SGCZ: variants seen among roughly 807,000 people sequenced by gnomAD.
SGCZ encodes the protein zeta-sarcoglycan.
In SGCZ, 40 loss-of-function variants were observed where a neutral mutation model predicts 41.3. That is an observed-to-expected ratio of 0.97 (90% CI 0.75 to 1.26). The LOEUF (loss-of-function observed/expected upper bound fraction) is 1.26. Ranked by LOEUF, SGCZ falls within the 50% of genes most tolerant of loss-of-function variation. SGCZ has a pLI of 0.00. For missense variants in SGCZ, 552 were observed against 369.8 expected, an observed-to-expected ratio of 1.49 and a Z score of -4.04; for synonymous variants, 206 against 137.5, an observed-to-expected ratio of 1.50 and a Z score of -3.49.
chr8:14,984,823 G>A (rs893453006), intron 1 of SGCZ, among the ~76,000 whole-genome samples: 3 of 152,138 alleles, frequency 2.0e-5, no homozygotes, highest in African/African-American at 7.2e-5. Flanking sequence ...GTGTAGTGTA[G>A]TTTAGCATTT....
intron 1 of SGCZ, among the ~76,000 whole-genome samples, chr8:14,800,024 A>G (rs1260715492): frequency 6.6e-6 from 1 of 152,232 alleles, no homozygotes; most frequent in Non-Finnish European, 1.5e-5. Flanking sequence ...TTGGTAAACC[A>G]CTGTTTTGCA....
Position 14,149,003 on chromosome 8 carries a change from C to G in SGCZ, c.547+15577G>C, listed in dbSNP as rs58641622. Among the ~76,000 whole-genome samples the G allele has an allele frequency of 3.9e-3, 591 of 152,004 alleles. 7 individuals are homozygous for G. The highest frequency in any genetic ancestry group is 0.014 in the African/African-American group (562 of 41,472). Reference sequence around the variant, plus strand: ...TTCCACATCTCTTCATGATAAAAACCCCCAAAAACCTGGGTATAGAAGGAA... The same window carrying G: ...TTCCACATCTCTTCATGATAAAAACGCCCAAAAACCTGGGTATAGAAGGAA... On this transcript the variant is annotated intron_variant, in intron 5 of 7. Transcript: ENST00000382080.
chr8:14,580,352 C>G (rs930611447), intron 1 of SGCZ, among the ~76,000 whole-genome samples: 1 of 152,078 alleles, frequency 6.6e-6, no homozygotes, highest in African/African-American at 2.4e-5. Context: ...TTCAAGAAAC[C>G]ATTTTTGAAG....
intron 1 of SGCZ, among the ~76,000 whole-genome samples, chr8:15,022,697 T>A (rs917507773): frequency 6.6e-6 from 1 of 152,156 alleles, no homozygotes; most frequent in Non-Finnish European, 1.5e-5. Context: ...ACAGGATCAG[T>A]ATGCTAGCAA....
chr8:15,138,153 TG>T (rs1274691801), intron 1 of SGCZ, among the ~76,000 whole-genome samples: 3 of 152,222 alleles, frequency 2.0e-5, no homozygotes, highest in African/African-American at 7.2e-5. Context: ...TACTGGATTT[TG>T]GACTTGCACG....
At chr8:14,504,445 A>G (rs1802245733) in intron 2 of SGCZ, among the ~76,000 whole-genome samples, 1 of 152,224 alleles carries the variant, frequency 6.6e-6, no homozygotes. Flanking sequence ...AGTGAGTCTA[A>G]AACCTAGATA....
At chr8:14,534,669 A>T (rs1291548899) in intron 2 of SGCZ, among the ~76,000 whole-genome samples, 1 of 131,918 alleles carries the variant, frequency 7.6e-6, no homozygotes, top group African/African-American at 2.7e-5. Context: ...ATCTGCCTTA[A>T]TGGGAGGGAA....
chr8:14,622,962 T>A (rs1002295194), intron 1 of SGCZ, among the ~76,000 whole-genome samples: 2 of 152,166 alleles, frequency 1.3e-5, no homozygotes, highest in African/African-American at 4.8e-5. Context: ...TATCTATTGA[T>A]ATTTTCAGTA....
chr8:14,395,574 G>A (rs1440119259), intron 2 of SGCZ, among the ~76,000 whole-genome samples: 1 of 152,036 alleles, frequency 6.6e-6, no homozygotes, highest in Non-Finnish European at 1.5e-5. Flanking sequence ...AAAGATAGAA[G>A]GTGTAATATT....
At chr8:14,578,307 T>C (rs1022656913) in intron 1 of SGCZ, among the ~76,000 whole-genome samples, 1 of 152,200 alleles carries the variant, frequency 6.6e-6, no homozygotes, top group East Asian at 1.9e-4. Flanking sequence ...CTCCTCAGCC[T>C]TCCCTAGAAA....
intron 1 of SGCZ, among the ~76,000 whole-genome samples, chr8:14,655,958 C>T (rs62493116): frequency 6.6e-6 from 1 of 152,032 alleles, no homozygotes; most frequent in African/African-American, 2.4e-5. Flanking sequence ...TTGCTGAAGA[C>T]CCATCCATCG....
intron 2 of SGCZ, among the ~76,000 whole-genome samples, chr8:14,479,490 A>AC (rs1037077162): frequency 1.3e-5 from 2 of 152,126 alleles, no homozygotes; most frequent in African/African-American, 4.8e-5. Flanking sequence ...ACCCTCACAG[A>AC]CACATCTGGG....
intron 1 of SGCZ, among the ~76,000 whole-genome samples, chr8:15,196,697 C>T (rs1235857586): frequency 6.6e-6 from 1 of 152,140 alleles, no homozygotes; most frequent in Non-Finnish European, 1.5e-5. Context: ...AGGTTAGTTA[C>T]ATATGTATAC....
chr8:14,618,811 A>C (rs1236208368), intron 1 of SGCZ, among the ~76,000 whole-genome samples: 1 of 152,192 alleles, frequency 6.6e-6, no homozygotes, highest in Admixed American at 6.6e-5. Context: ...ATGGACTGAA[A>C]GCATTCCTTA....
At chr8:14,721,889 A>T (rs1461848865) in intron 1 of SGCZ, among the ~76,000 whole-genome samples, 1 of 151,622 alleles carries the variant, frequency 6.6e-6, no homozygotes, top group East Asian at 1.9e-4. Context: ...CACCAACCAC[A>T]CTGTCCTCTA....
chr8:14,664,679 G>A (rs1807851675), intron 1 of SGCZ, among the ~76,000 whole-genome samples: 1 of 152,138 alleles, frequency 6.6e-6, no homozygotes, highest in South Asian at 2.1e-4. Context: ...TATTTCATGT[G>A]TGTCACTTAG....
intron 1 of SGCZ, among the ~76,000 whole-genome samples, chr8:14,739,965 G>T (rs1799150936): frequency 6.6e-6 from 1 of 151,970 alleles, no homozygotes; most frequent in Non-Finnish European, 1.5e-5. Flanking sequence ...TCTGCATATG[G>T]AAATGGTCTC....
chr8:15,213,019 A>C (rs1206269647), intron 1 of SGCZ, among the ~76,000 whole-genome samples: 1 of 152,048 alleles, frequency 6.6e-6, no homozygotes, highest in Non-Finnish European at 1.5e-5. Flanking sequence ...AAAGTGATAA[A>C]ATTAACAATT....
chr8:15,095,351 G>A (rs141193082), intron 1 of SGCZ, among the ~76,000 whole-genome samples: 125 of 152,066 alleles, frequency 8.2e-4, no homozygotes, highest in African/African-American at 2.9e-3. Flanking sequence ...CGCCTGCCTC[G>A]GCCTCCCAAA....
Sources: gnomAD v4.1 joint callset for allele counts (sites outside exome capture counted in the v4.1 genomes callset) on GRCh38, gnomAD v4.1.1 for gene constraint, MANE v1.5 for transcripts, NCBI Gene and HGNC (gene_info 2026-07-23, HGNC 2026-07-21) for gene names.